Variants in ATP2B2 observed in about 807,000 individuals in gnomAD.
The protein encoded by ATP2B2 is plasma membrane calcium-transporting ATPase 2.
A neutral mutation model predicts 120.0 loss-of-function variants in ATP2B2; 15 were observed. The observed-to-expected ratio is 0.12, with a 90% CI of 0.08 to 0.19. ATP2B2 has a LOEUF of 0.19. ATP2B2 is among the 10% of genes least tolerant of loss of function. ATP2B2 has a pLI of 1.00. For missense variants in ATP2B2, 1,045 were observed against 1,719.8 expected, an observed-to-expected ratio of 0.61 and a Z score of 6.94; for synonymous variants, 694 against 700.3, an observed-to-expected ratio of 0.99 and a Z score of 0.14.
chr3:10,575,737 C>A (rs1026971188), intron 2 of ATP2B2, among the ~76,000 whole-genome samples: 1 of 152,140 alleles, frequency 6.6e-6, no homozygotes, highest in Non-Finnish European at 1.5e-5. Context: ...GCTGGCAGCC[C>A]TCTGTTGTCT....
At chr3:10,486,324 C>T (rs62238418) in intron 1 of ATP2B2, among the ~76,000 whole-genome samples, 56 of 117,170 alleles carry the variant, frequency 4.8e-4, no homozygotes, top group Non-Finnish European at 6.1e-4. Context: ...TGTGTGCGTG[C>T]GTGTGTGTGT....
chr3:10,466,665 T>C (rs2064756404), intron 1 of ATP2B2, among the ~76,000 whole-genome samples: 1 of 152,174 alleles, frequency 6.6e-6, no homozygotes, highest in Non-Finnish European at 1.5e-5. Flanking sequence ...CCCCAAACCA[T>C]GCCAACAGAT....
At chr3:10,370,264 C>T (rs186510249) in intron 12 of ATP2B2, among the ~76,000 whole-genome samples, 2 of 152,368 alleles carry the variant, frequency 1.3e-5, no homozygotes, top group African/African-American at 4.8e-5. Context: ...AATCCAAGCC[C>T]ACCCCACAGG....
chr3:10,625,408 G>C (rs570668375), intron 1 of ATP2B2, among the ~76,000 whole-genome samples: 5 of 152,136 alleles, frequency 3.3e-5, no homozygotes, highest in African/African-American at 1.2e-4. Flanking sequence ...AGATAAGAAC[G>C]GGTCAGGGCC....
intron 3 of ATP2B2, among the ~76,000 whole-genome samples, chr3:10,524,604 G>T (rs2067052998): frequency 6.6e-6 from 1 of 152,122 alleles, no homozygotes; most frequent in Admixed American, 6.5e-5. Context: ...CTCTCAATAT[G>T]ACAACTAATT....
chr3:10,335,343 C>T (rs923889027), intron 22 of ATP2B2, among the ~76,000 whole-genome samples: 9 of 152,168 alleles, frequency 5.9e-5, no homozygotes, highest in Non-Finnish European at 1.3e-4. Flanking sequence ...CCAAGCTCAG[C>T]CACAGGGAAA....
At chr3:10,561,849 A>T (rs2067910436) in intron 2 of ATP2B2, among the ~76,000 whole-genome samples, 1 of 152,312 alleles carries the variant, frequency 6.6e-6, no homozygotes, top group East Asian at 1.9e-4. Flanking sequence ...TCCTTTATAA[A>T]TTACCCAGTC....
chr3:10,547,224 G>A (rs1299683070), intron 2 of ATP2B2, among the ~76,000 whole-genome samples: 1 of 152,166 alleles, frequency 6.6e-6, no homozygotes. Flanking sequence ...GGACTCAGCG[G>A]CTCTGGTTGG....
At chr3:10,426,976 C>T (rs1003172842) in intron 2 of ATP2B2, among the ~76,000 whole-genome samples, 2 of 152,148 alleles carry the variant, frequency 1.3e-5, no homozygotes, top group Non-Finnish European at 2.9e-5. Context: ...TTAGAAACCG[C>T]ATTCACATCT....
At chr3:10,636,905 G>A (rs1381662401) in intron 1 of ATP2B2, among the ~76,000 whole-genome samples, 1 of 152,212 alleles carries the variant, frequency 6.6e-6, no homozygotes, top group Non-Finnish European at 1.5e-5. Context: ...GTGCTAATCA[G>A]GGCCTGTGTG....
intron 1 of ATP2B2, among the ~76,000 whole-genome samples, chr3:10,487,696 C>T (rs1022153606): frequency 3.3e-5 from 5 of 152,112 alleles, no homozygotes; most frequent in Admixed American, 6.5e-5. Context: ...GGTTAGACAG[C>T]GGGAAAGGAA....
chr3:10,688,633 G>C (rs7649292), intron 1 of ATP2B2, among the ~76,000 whole-genome samples: 4 of 151,976 alleles, frequency 2.6e-5, no homozygotes, highest in Non-Finnish European at 5.9e-5. Flanking sequence ...CAGGGACAAC[G>C]TTAAGGTGAG....
intron 1 of ATP2B2, among the ~76,000 whole-genome samples, chr3:10,466,888 G>A: frequency 6.6e-6 from 1 of 152,222 alleles, no homozygotes; most frequent in East Asian, 1.9e-4. Context: ...CTCCAGGGGT[G>A]ACCGTGCAGC....
chr3:10,586,168 G>C (rs558004588), intron 2 of ATP2B2, among the ~76,000 whole-genome samples: 2 of 152,288 alleles, frequency 1.3e-5, no homozygotes, highest in African/African-American at 2.4e-5. Flanking sequence ...TTTTTACCCA[G>C]TTATGTCCTT....
intron 1 of ATP2B2, among the ~76,000 whole-genome samples, chr3:10,658,157 GA>G (rs1434744544): frequency 6.6e-6 from 1 of 152,182 alleles, no homozygotes; most frequent in Non-Finnish European, 1.5e-5. Flanking sequence ...AAAAACAGCA[GA>G]AAAGCTGAAA....
intron 2 of ATP2B2, among the ~76,000 whole-genome samples, chr3:10,588,343 G>A (rs1012456070): frequency 2.0e-5 from 3 of 152,210 alleles, no homozygotes; most frequent in Admixed American, 2.0e-4. Context: ...TCTAGAGGAG[G>A]AGAGGGAATA....
intron 11 of ATP2B2, among the ~76,000 whole-genome samples, chr3:10,372,595 CT>C (rs2061274200): frequency 6.6e-6 from 1 of 152,064 alleles, no homozygotes; most frequent in Non-Finnish European, 1.5e-5. Flanking sequence ...AGATTTTTGT[CT>C]TTTCTATGAC....
intron 1 of ATP2B2, among the ~76,000 whole-genome samples, chr3:10,644,349 G>A (rs75582501): frequency 4.6e-5 from 7 of 152,270 alleles, no homozygotes; most frequent in Non-Finnish European, 1.0e-4. Context: ...AAAACAGTTT[G>A]GCAGTTCCTT....
chr3:10,409,929 C>T (rs939758593), intron 3 of ATP2B2, among the ~76,000 whole-genome samples: 2 of 152,120 alleles, frequency 1.3e-5, no homozygotes, highest in Non-Finnish European at 2.9e-5. Flanking sequence ...GATTATAAAA[C>T]AGATCAGCCT....
Sources: allele counts gnomAD v4.1 joint callset (sites outside exome capture counted in the v4.1 genomes callset), GRCh38; gene constraint gnomAD v4.1.1; transcripts MANE v1.5; gene names NCBI Gene and HGNC (gene_info 2026-07-23, HGNC 2026-07-21).